Variants in DNAJC10 observed in about 807,000 individuals in gnomAD.
DNAJC10 encodes the protein DnaJ heat shock protein family (Hsp40) member C10.
DNAJC10 carries 101 observed loss-of-function variants against 115.0 expected under a neutral mutation model. The observed-to-expected ratio is 0.88, with a 90% CI of 0.75 to 1.04. DNAJC10 has a LOEUF of 1.04. DNAJC10 is among the 50% of genes least tolerant of loss of function. The pLI, the probability that DNAJC10 is intolerant of heterozygous loss-of-function variation, is 0.00. For missense variants in DNAJC10, 981 were observed against 928.8 expected (o/e 1.06, Z -0.73); for synonymous variants, 307 against 301.5 (o/e 1.02, Z -0.19).
In DNAJC10 at chr2:182,736,391, G is replaced by T; in HGVS notation, c.987+5G>T. 2 of 1,558,034 alleles carry T rather than the reference G, an allele frequency of 1.3e-6. No individual in the cohort carries two copies. Among genetic ancestry groups the T allele is most frequent in the South Asian group, 2.5e-5 (2 of 81,568 alleles). On this transcript the variant is annotated splice_donor_5th_base_variant and intron_variant, in intron 11 of 23. Coordinates refer to ENST00000264065, the MANE Select transcript of DNAJC10 (RefSeq NM_018981.4). Reference sequence around the variant, plus strand: ...AAAGAGAAAAACAGTATTTTGGTATGAATCACTTTAAACTAATTTATTTAC... The same window carrying T: ...AAAGAGAAAAACAGTATTTTGGTATTAATCACTTTAAACTAATTTATTTAC...
intron 4 of DNAJC10, among the ~76,000 whole-genome samples, chr2:182,720,643 C>T (rs184928273): frequency 3.2e-3 from 485 of 152,194 alleles, no homozygotes; most frequent in Admixed American, 5.2e-3. Context: ...TGTGTAAGTA[C>T]ACTCTGTGAT....
chr2:182,792,342 A>G lies in DNAJC10; in HGVS notation c.*15210A>G, dbSNP rs1446008963. On this transcript the variant is annotated 3_prime_UTR_variant, in exon 24 of 24. Coordinates refer to ENST00000264065, the MANE Select transcript of DNAJC10 (RefSeq NM_018981.4). ...GGGGTTTTGAGGGTTGTGGAACAGG[A>G]TAACATTTTGAGGTACAAAAAATAA... The G allele has an allele frequency of 6.6e-6, 1 of 152,182 alleles. No individual in the cohort carries two copies. The highest frequency in any genetic ancestry group is 1.5e-5 in the Non-Finnish European group (1 of 68,030). The allele number at this position is 152,182 out of a possible 1,614,324, so 9.4% of individuals were successfully genotyped here.
At position 182,787,221 on chromosome 2, in the gene DNAJC10, C is replaced by A. The variant is rs1179640028; in HGVS notation, c.*10089C>A. 6.6e-6 allele frequency: 1 copy of A among 152,172 alleles called. No homozygotes were observed. The highest frequency in any genetic ancestry group is 6.5e-5 in the Admixed American group (1 of 15,270). 9.4% of individuals were successfully genotyped at this position (152,172 alleles called of 1,614,324 possible). ...GTCCACAGTCATAGGCGTTAAACTT[C>A]TTTTGGAAACTATACTGGCTTGACA... On this transcript the variant is annotated 3_prime_UTR_variant, in exon 24 of 24. Transcript: ENST00000264065.
intron 6 of DNAJC10, 58 bp downstream of exon 6, chr2:182,728,716 A>G: frequency 6.7e-7 from 1 of 1,493,200 alleles, no homozygotes; most frequent in South Asian, 1.2e-5. Context: ...TGCAATTTAT[A>G]TGTTAGAATT....
intron 3 of DNAJC10, among the ~76,000 whole-genome samples, chr2:182,719,555 CT>C (rs1693091567): frequency 6.6e-6 from 1 of 151,758 alleles, no homozygotes; most frequent in Non-Finnish European, 1.5e-5. Flanking sequence ...CTGATACTGG[CT>C]TTTATGTAAT....
chr2:182,756,543 G>A (rs1694161044), intron 18 of DNAJC10, 74 bp downstream of exon 18: 9 of 1,394,050 alleles, frequency 6.5e-6, no homozygotes, highest in Middle Eastern at 4.0e-4. Context: ...ATTTTGAAAC[G>A]GATGTGAATG....
Position 182,792,812 on chromosome 2 carries a change from A to G in DNAJC10, c.*15680A>G, listed in dbSNP as rs565726029. On this transcript the variant is annotated 3_prime_UTR_variant, in exon 24 of 24. Coordinates refer to ENST00000264065, the MANE Select transcript of DNAJC10 (RefSeq NM_018981.4). ...TCACTCAGCAAACATTTATTTGAGT[A>G]CTTACAATGTGCTAGGCTTTGTTCT... The G allele has an allele frequency of 7.9e-5, 12 of 152,370 alleles. No individual in the cohort carries two copies. The East Asian group carries it at 2.3e-3, about 29-fold the overall frequency. The allele number at this position is 152,370 out of a possible 1,614,324, so 9.4% of individuals were successfully genotyped here. A position where few individuals can be genotyped will look rare whatever the true frequency, so the allele number is the denominator to read the frequency against.
At chr2:182,729,601 G>T (rs1693388105) in intron 7 of DNAJC10, among the ~76,000 whole-genome samples, 1 of 150,506 alleles carries the variant, frequency 6.6e-6, no homozygotes, top group East Asian at 1.9e-4. Context: ...GTAAAGCTCT[G>T]ATATCTTTTT....
At chr2:182,717,797 A>G (rs1013674908) in intron 2 of DNAJC10, 144 bp from the exon 3 acceptor site, 1 of 221,742 alleles carries the variant, frequency 4.5e-6, no homozygotes, top group African/African-American at 2.3e-5. Context: ...TGGATGTAGA[A>G]AGAGTGAAAA....
chr2:182,763,982 G>A (rs1386315285), intron 22 of DNAJC10, among the ~76,000 whole-genome samples: 1 of 152,092 alleles, frequency 6.6e-6, no homozygotes, highest in Non-Finnish European at 1.5e-5. Context: ...ATTGCTGAAG[G>A]GTACTTGTTT....
intron 14 of DNAJC10, among the ~76,000 whole-genome samples, chr2:182,750,079 A>G (rs1203142970): frequency 6.6e-6 from 1 of 152,202 alleles, no homozygotes; most frequent in Non-Finnish European, 1.5e-5. Flanking sequence ...GAAGAGAAGT[A>G]GATTTGTAAA....
Position 182,789,048 on chromosome 2 carries a change from C to G in DNAJC10, c.*11916C>G, listed in dbSNP as rs1695002589. 1 of 264,730 alleles carries G rather than the reference C, an allele frequency of 3.8e-6. No homozygotes were observed. Among genetic ancestry groups the G allele is most frequent in the African/African-American group, 2.3e-5 (1 of 43,536 alleles). The allele number at this position is 264,730 out of a possible 1,614,324, so 16.4% of individuals were successfully genotyped here. ...AAACTGAAATTTTATATCCATAAAG[C>G]AAAACCTTTTTATTTACCAATGCTG... On this transcript the variant is annotated 3_prime_UTR_variant, in exon 24 of 24. Coordinates refer to ENST00000264065, the MANE Select transcript of DNAJC10 (RefSeq NM_018981.4).
chr2:182,751,842 A>G lies in DNAJC10; in HGVS notation c.1434+57A>G, dbSNP rs79840404. 4.8e-3 allele frequency: 7,567 copies of G among 1,576,782 alleles called. 314 individuals carry two copies. In the African/African-American group the frequency reaches 0.091, roughly 19 times the overall value. ...TTGTCAGATCTTCTCCTGTTATGGC[A>G]AAAAGACATTTTCTAGATAACTTTG... On this transcript the variant is annotated intron_variant, in intron 15 of 23. Coordinates refer to ENST00000264065, the MANE Select transcript of DNAJC10 (RefSeq NM_018981.4).
chr2:182,769,994 G>T (rs1424848383), intron 22 of DNAJC10, among the ~76,000 whole-genome samples: 4 of 152,078 alleles, frequency 2.6e-5, no homozygotes, highest in Admixed American at 2.6e-4. Context: ...ATTAATTTTT[G>T]TATAAGGTGT....
rs1055212011 is a variant in DNAJC10 at position 182,779,230 on chromosome 2, A to G, written c.*2098A>G. 1 of 152,226 alleles carries G rather than the reference A, an allele frequency of 6.6e-6. No individual in the cohort carries two copies. Among genetic ancestry groups the G allele is most frequent in the Non-Finnish European group, 1.5e-5 (1 of 68,056 alleles). The allele number at this position is 152,226 out of a possible 1,614,324, so 9.4% of individuals were successfully genotyped here. ...CAAGGTTATCTTATATAGTCATAAC[A>G]GTATTATTGGGTCTTTCAAAAACAG... On this transcript the variant is annotated 3_prime_UTR_variant, in exon 24 of 24. Coordinates refer to ENST00000264065, the MANE Select transcript of DNAJC10 (RefSeq NM_018981.4).
At chr2:182,769,466 T>C (rs1291626966) in intron 22 of DNAJC10, among the ~76,000 whole-genome samples, 1 of 152,192 alleles carries the variant, frequency 6.6e-6, no homozygotes, top group Non-Finnish European at 1.5e-5. Flanking sequence ...TTCCTGTTTC[T>C]CCACATCCTC....
In DNAJC10 at chr2:182,780,930, G is replaced by A. The variant is rs912828538; in HGVS notation, c.*3798G>A. The A allele has an allele frequency of 6.6e-6, 1 of 151,436 alleles. No individual in the cohort carries two copies. The highest frequency in any genetic ancestry group is 2.4e-5 in the African/African-American group (1 of 41,136). 9.4% of individuals were successfully genotyped at this position (151,436 alleles called of 1,614,324 possible). A position where few individuals can be genotyped will look rare whatever the true frequency, so the allele number is the denominator to read the frequency against. On this transcript the variant is annotated 3_prime_UTR_variant, in exon 24 of 24. Coordinates refer to ENST00000264065, the MANE Select transcript of DNAJC10 (RefSeq NM_018981.4). ...TTAGCAATCATCCCCAAAAAGGTCT[G>A]TGTTAATAACTGATAGACAATCTTC...
At chr2:182,749,727 G>A (rs1341219354) in intron 14 of DNAJC10, among the ~76,000 whole-genome samples, 1 of 152,162 alleles carries the variant, frequency 6.6e-6, no homozygotes, top group Non-Finnish European at 1.5e-5. Flanking sequence ...GCAGTGGAGA[G>A]TATTTATTGT....
intron 5 of DNAJC10, 48 bp from the exon 6 acceptor site, chr2:182,728,528 A>G: frequency 7.2e-7 from 1 of 1,396,666 alleles, no homozygotes; most frequent in Non-Finnish European, 1.0e-6. Flanking sequence ...AATATGCATG[A>G]ACCTTTAATA....
Sources: allele counts gnomAD v4.1 joint callset (sites outside exome capture counted in the v4.1 genomes callset), GRCh38; gene constraint gnomAD v4.1.1; transcripts MANE v1.5; gene names NCBI Gene and HGNC (gene_info 2026-07-23, HGNC 2026-07-21).